GABPB1: variants seen among roughly 807,000 people sequenced by gnomAD.
The protein encoded by GABPB1 is GA-binding protein subunit beta-1.
A neutral mutation model predicts 45.9 loss-of-function variants in GABPB1; 15 were observed. The ratio of observed to expected loss-of-function variants is 0.33; its 90% CI spans 0.22 to 0.50. The LOEUF is 0.50. Among genes scored for constraint, GABPB1 ranks in the 20% least tolerant of loss-of-function variants. GABPB1 has a pLI of 0.98. For synonymous variants in GABPB1, 143 were observed against 154.4 expected (o/e 0.93, Z 0.55); for missense variants, 252 against 457.5 (o/e 0.55, Z 4.10).
Position 50,301,046 on chromosome 15 carries a change from A to G in GABPB1, c.584-144T>C, listed in dbSNP as rs928024769. The G allele has an allele frequency of 1.1e-5, 9 of 822,814 alleles. No individual in the cohort carries two copies. In the Admixed American group the frequency reaches 2.1e-4, roughly 20 times the overall value. The allele number at this position is 822,814 out of a possible 1,614,324, so 51.0% of individuals were successfully genotyped here. On this transcript the variant is annotated intron_variant, in intron 5 of 8. Transcript: ENST00000380877. ...AGGTAATACTGCAGTAAATTTTGTA[A>G]TATCACCTTTCTTCAGATTGTTTTG...
intron 8 of GABPB1, among the ~76,000 whole-genome samples, chr15:50,280,058 C>T (rs1403026553): frequency 6.6e-6 from 1 of 152,102 alleles, no homozygotes; most frequent in Non-Finnish European, 1.5e-5. Context: ...GGGAATGAAG[C>T]TAGATCCAAC....
intron 1 of GABPB1, among the ~76,000 whole-genome samples, chr15:50,334,505 CT>C (rs60433481): frequency 0.013 from 1,467 of 109,344 alleles, 13 homozygotes; most frequent in African/African-American, 0.051. Flanking sequence ...TCTTTTTTTC[CT>C]TTTTTTTTTT....
chr15:50,327,603 G>C (rs964195469), intron 1 of GABPB1, among the ~76,000 whole-genome samples: 1 of 152,132 alleles, frequency 6.6e-6, no homozygotes, highest in African/African-American at 2.4e-5. Context: ...TCAACTTCTA[G>C]TAGAGTTTAA....
chr15:50,340,589 G>GC (rs2048322673), intron 1 of GABPB1, among the ~76,000 whole-genome samples: 2 of 144,330 alleles, frequency 1.4e-5, no homozygotes, highest in South Asian at 4.4e-4. Flanking sequence ...ACATAACACT[G>GC]CTCTCCACTT....
Position 50,301,167 on chromosome 15 carries a change from G to A in GABPB1, c.583+90C>T, listed in dbSNP as rs539448779. On this transcript the variant is annotated intron_variant, in intron 5 of 8. Transcript: ENST00000380877. ...TCCAACCGTCCTTTCTTACAAGGAT[G>A]AATACCTACTAAAGCATAAAATCCC... The A allele has an allele frequency of 7.9e-6, 12 of 1,521,140 alleles. No homozygotes were observed. In the African/African-American group the frequency reaches 1.5e-4, roughly 19 times the overall value. 94.2% of individuals were successfully genotyped at this position (1,521,140 alleles called of 1,614,324 possible).
At chr15:50,351,659 A>AAGAG (rs2048831753) in intron 1 of GABPB1, 2 of 88,706 alleles carry the variant, frequency 2.3e-5, no homozygotes, top group African/African-American at 5.2e-5. Flanking sequence ...GGAGAGAGGA[A>AAGAG]AGAGGGAGGG....
chr15:50,331,914 G>A (rs750560140), intron 1 of GABPB1, among the ~76,000 whole-genome samples: 6 of 149,234 alleles, frequency 4.0e-5, no homozygotes, highest in East Asian at 2.0e-4. Flanking sequence ...TCGCTCTGTC[G>A]CCCAGGCTGG....
chr15:50,288,222 C>T (rs183147319), intron 7 of GABPB1, among the ~76,000 whole-genome samples: 16 of 152,008 alleles, frequency 1.1e-4, no homozygotes, highest in South Asian at 2.1e-4. Context: ...TGGCTAATTT[C>T]GTCATTTTTA....
chr15:50,338,402 C>G (rs746428060), intron 1 of GABPB1, among the ~76,000 whole-genome samples: 1 of 152,014 alleles, frequency 6.6e-6, no homozygotes, highest in Non-Finnish European at 1.5e-5. Flanking sequence ...GGTTAAACTT[C>G]TTTGTCTTAT....
intron 6 of GABPB1, among the ~76,000 whole-genome samples, chr15:50,295,861 C>T (rs542768737): frequency 6.7e-4 from 92 of 138,090 alleles, no homozygotes; most frequent in Non-Finnish European, 1.2e-3. Context: ...CAAGCACTGA[C>T]AACCTGCTGT....
intron 6 of GABPB1, among the ~76,000 whole-genome samples, chr15:50,300,448 T>G (rs1480958352): frequency 1.6e-5 from 2 of 125,712 alleles, no homozygotes; most frequent in Non-Finnish European, 3.6e-5. Context: ...TTTTTTTTTT[T>G]TTTTTTTTTT....
intron 2 of GABPB1, among the ~76,000 whole-genome samples, chr15:50,307,949 T>C (rs1018124392): frequency 1.3e-5 from 2 of 152,186 alleles, no homozygotes; most frequent in Non-Finnish European, 2.9e-5. Flanking sequence ...TCCTTCATGA[T>C]TCCTAACATC....
At chr15:50,337,959 G>A (rs1251051716) in intron 1 of GABPB1, among the ~76,000 whole-genome samples, 1 of 151,996 alleles carries the variant, frequency 6.6e-6, no homozygotes, top group Admixed American at 6.6e-5. Context: ...GGATAAATGA[G>A]AACCTCAAAA....
rs1423822646 is a variant in GABPB1 at position 50,277,419 on chromosome 15, G to T, written c.*1213C>A. 5 of 148,470 alleles carry T rather than the reference G, an allele frequency of 3.4e-5. No individual in the cohort carries two copies. The highest frequency in any genetic ancestry group is 5.1e-5 in the African/African-American group (2 of 39,216). The allele number at this position is 148,470 out of a possible 1,614,324, so 9.2% of individuals were successfully genotyped here. On this transcript the variant is annotated 3_prime_UTR_variant, in exon 9 of 9. Coordinates refer to ENST00000380877, the MANE Select transcript of GABPB1 (RefSeq NM_016654.5). ...AAAATAAAGCAAGAAAAAGGGGTTT[G>T]AAGTAATATTTTACCAAAAAAAAAA...
intron 6 of GABPB1, among the ~76,000 whole-genome samples, chr15:50,291,829 G>A (rs1465468776): frequency 6.6e-6 from 1 of 150,476 alleles, no homozygotes; most frequent in African/African-American, 2.5e-5. Flanking sequence ...AGGGTGGGAA[G>A]ATCCCTTGAG....
intron 1 of GABPB1, among the ~76,000 whole-genome samples, chr15:50,332,508 A>G (rs1012535589): frequency 3.3e-5 from 5 of 152,150 alleles, no homozygotes; most frequent in Non-Finnish European, 7.4e-5. Flanking sequence ...TAACTACATA[A>G]TGCTAAGAAA....
chr15:50,289,334 A>G, intron 7 of GABPB1, 149 bp downstream of exon 7: 1 of 551,670 alleles, frequency 1.8e-6, no homozygotes. Flanking sequence ...AATATAACTC[A>G]AGGCAAAAAT....
At chr15:50,340,615 C>G (rs1358371572) in intron 1 of GABPB1, among the ~76,000 whole-genome samples, 2 of 146,546 alleles carry the variant, frequency 1.4e-5, no homozygotes, top group Non-Finnish European at 3.0e-5. Flanking sequence ...TCTTGCTTAA[C>G]ACATGAGATC....
intron 6 of GABPB1, among the ~76,000 whole-genome samples, chr15:50,290,765 T>C (rs552117758): frequency 8.5e-5 from 13 of 152,300 alleles, no homozygotes; most frequent in African/African-American, 2.9e-4. Context: ...TGATAGTAAA[T>C]AGTGTATGTT....
Sources: gnomAD v4.1 joint callset for allele counts (sites outside exome capture counted in the v4.1 genomes callset) on GRCh38, gnomAD v4.1.1 for gene constraint, MANE v1.5 for transcripts, NCBI Gene and HGNC (gene_info 2026-07-23, HGNC 2026-07-21) for gene names.